Variants in CD109 observed in about 807,000 individuals in gnomAD.
The protein encoded by CD109 is CD109 antigen.
A neutral mutation model predicts 165.8 loss-of-function variants in CD109; 149 were observed. The observed-to-expected ratio is 0.90, with a 90% CI of 0.79 to 1.03. The LOEUF (loss-of-function observed/expected upper bound fraction) is 1.03, where lower values mean the gene tolerates loss of function less well. CD109 is among the 50% of genes least tolerant of loss of function. The pLI is 0.00. For synonymous variants in CD109, 585 were observed against 592.1 expected (o/e 0.99, Z 0.18); for missense variants, 1,712 against 1,677.8 (o/e 1.02, Z -0.36).
intron 24 of CD109, among the ~76,000 whole-genome samples, chr6:73,805,851 G>A (rs1315129252): frequency 3.9e-5 from 6 of 152,112 alleles, no homozygotes; most frequent in Non-Finnish European, 5.9e-5. Flanking sequence ...CAGAGGGCAC[G>A]GGGTTGGGGG....
intron 32 of CD109, among the ~76,000 whole-genome samples, chr6:73,821,731 G>A (rs1776114152): frequency 6.6e-6 from 1 of 152,144 alleles, no homozygotes; most frequent in African/African-American, 2.4e-5. Flanking sequence ...AAGTGGGGAG[G>A]GAGAGGGGGA....
chr6:73,792,497 T>A, intron 22 of CD109, 129 bp from the exon 23 acceptor site: 2 of 812,178 alleles, frequency 2.5e-6, no homozygotes, highest in Non-Finnish European at 4.1e-6. Flanking sequence ...CCAACTCTGT[T>A]CCAAGCAGTG....
At chr6:73,738,309 A>G (rs2150189800) in intron 5 of CD109, among the ~76,000 whole-genome samples, 1 of 152,270 alleles carries the variant, frequency 6.6e-6, no homozygotes, top group East Asian at 1.9e-4. Flanking sequence ...CCATTAGCTT[A>G]GCTAAATAAC....
chr6:73,764,954 A>G (rs1024102062), intron 10 of CD109, among the ~76,000 whole-genome samples: 8 of 152,318 alleles, frequency 5.3e-5, no homozygotes, highest in East Asian at 3.9e-4. Flanking sequence ...AGTTTAAAAA[A>G]TTGAGGCTGC....
chr6:73,747,545 A>G (rs1296685406), intron 5 of CD109, among the ~76,000 whole-genome samples: 3 of 152,182 alleles, frequency 2.0e-5, no homozygotes, highest in Non-Finnish European at 4.4e-5. Flanking sequence ...TTCAGTTTCC[A>G]TCTATACACC....
At chr6:73,815,205 C>A in intron 30 of CD109, 82 bp downstream of exon 30, 23 of 1,180,010 alleles carry the variant, frequency 1.9e-5, no homozygotes, top group Non-Finnish European at 2.5e-5. Flanking sequence ...TTGTCTATAT[C>A]AATCTAAGAG....
intron 3 of CD109, among the ~76,000 whole-genome samples, chr6:73,729,843 A>C (rs1456412782): frequency 6.6e-6 from 1 of 152,078 alleles, no homozygotes; most frequent in Non-Finnish European, 1.5e-5. Context: ...GTAGTAGTAG[A>C]AGTAGCAGCA....
chr6:73,680,329 T>C, the CD109 span, among the ~76,000 whole-genome samples: 8 of 152,136 alleles, frequency 5.3e-5, no homozygotes, highest in Non-Finnish European at 1.0e-4. Context: ...ATAACAGCCA[T>C]TGAAGCTTGA....
intron 2 of CD109, among the ~76,000 whole-genome samples, chr6:73,707,962 TTATATATATATATATA>T (rs200081535): frequency 0.25 from 31,961 of 126,220 alleles, 4,813 homozygotes; most frequent in Non-Finnish European, 0.32. Context: ...ATTGTTATCT[TTATATATATATATATA>T]TATATATATA....
rs1775451103 is a variant in CD109 at position 73,803,439 on chromosome 6, A to G, written c.2960+138A>G. The G allele has an allele frequency of 5.0e-6, 3 of 598,008 alleles. No individual in the cohort carries two copies. The South Asian group carries it at 6.0e-5, about 12-fold the overall frequency. The allele number at this position is 598,008 out of a possible 1,614,324, so 37.0% of individuals were successfully genotyped here. On this transcript the variant is annotated intron_variant, in intron 24 of 32. Transcript: ENST00000287097. ...CTTTTTCCTTAGTCTGGCTTTAAAA[A>G]GAGATTTTCTTTTTAAAGTATTATT...
intron 2 of CD109, among the ~76,000 whole-genome samples, chr6:73,706,127 G>C (rs1771257262): frequency 6.6e-6 from 1 of 152,004 alleles, no homozygotes; most frequent in Non-Finnish European, 1.5e-5. Flanking sequence ...AATATTTTGA[G>C]GTATGAAATT....
intron 2 of CD109, among the ~76,000 whole-genome samples, chr6:73,708,495 G>A (rs954670540): frequency 1.2e-4 from 18 of 152,208 alleles, no homozygotes; most frequent in African/African-American, 3.1e-4. Flanking sequence ...ATGATTTATA[G>A]TCCTTTGGGT....
intron 32 of CD109, 48 bp from the exon 33 acceptor site, chr6:73,823,410 T>C: frequency 6.8e-7 from 1 of 1,459,868 alleles, no homozygotes; most frequent in African/African-American, 1.4e-5. Context: ...AAAGTCAATG[T>C]TTCTAAACAA....
Position 73,823,681 on chromosome 6 carries a change from A to G in CD109, c.*48A>G. On this transcript the variant is annotated 3_prime_UTR_variant, in exon 33 of 33. Transcript: ENST00000287097. ...TAACACTAACATTTCCAGTAGTCACATGTGATTGTTTTGTTTTCGTAGAAG... is the reference window on the plus strand; with the variant it reads ...TAACACTAACATTTCCAGTAGTCACGTGTGATTGTTTTGTTTTCGTAGAAG... 1 of 1,499,800 alleles carries G rather than the reference A, an allele frequency of 6.7e-7. No homozygotes were observed. The highest frequency in any genetic ancestry group is 9.0e-7 in the Non-Finnish European group (1 of 1,105,748). The allele number at this position is 1,499,800 out of a possible 1,614,324, so 92.9% of individuals were successfully genotyped here. A position where few individuals can be genotyped will look rare whatever the true frequency, so the allele number is the denominator to read the frequency against.
Position 73,759,024 on chromosome 6 carries a change from G to A in CD109, c.754G>A (p.Ala252Thr), listed in dbSNP as rs777843417. 2 of 1,580,610 alleles carry A rather than the reference G, an allele frequency of 1.3e-6. No individual in the cohort carries two copies. The highest frequency in any genetic ancestry group is 1.7e-6 in the Non-Finnish European group (2 of 1,150,912). ...NSKHLNGTIT[A>T]KYTYGKPVKG... ...TAAGCATTTAAATGGTACCATCACG[G>A]CAAAGTAAGTGTCATTTTTCTTTTG... is the stretch of plus-strand genomic sequence containing the variant. The change falls in exon 7 of 33, where the codon GCA becomes ACA. Residue 252 changes from alanine (A) to threonine (T), a missense_variant. By Grantham distance (58) the Ala-to-Thr change is moderately conservative. Transcript: ENST00000287097.
chr6:73,802,455 G>T (rs1340077775), intron 23 of CD109, among the ~76,000 whole-genome samples: 2 of 151,140 alleles, frequency 1.3e-5, no homozygotes, highest in South Asian at 4.2e-4. Flanking sequence ...TGTATTGCTG[G>T]TCTAAGAATA....
Position 73,782,757 on chromosome 6 carries a change from TA to T in CD109, c.2105+7del. 1.2e-6 allele frequency: 2 copies of T among 1,612,902 alleles called. No individual in the cohort carries two copies. The highest frequency in any genetic ancestry group is 2.2e-5 in the South Asian group (2 of 90,914). ...GATTTGGCTAGACACCAACATGGGG[TA>T]AAAATTTATAAAGTTCTTTGCCCAT... On this transcript the variant is annotated splice_donor_region_variant and intron_variant, in intron 18 of 32. Transcript: ENST00000287097.
chr6:73,807,613 T>C (rs909311332), intron 25 of CD109, among the ~76,000 whole-genome samples: 1 of 152,166 alleles, frequency 6.6e-6, no homozygotes, highest in African/African-American at 2.4e-5. Context: ...ATTGATGCCT[T>C]TACTGCTTAC....
intron 22 of CD109, 108 bp downstream of exon 22, chr6:73,788,720 G>T: frequency 1.0e-6 from 1 of 962,220 alleles, no homozygotes; most frequent in Non-Finnish European, 1.5e-6. Flanking sequence ...AAGAAGAGAT[G>T]GCAAAAGTTT....
Sources: allele counts gnomAD v4.1 joint callset (sites outside exome capture counted in the v4.1 genomes callset), GRCh38; gene constraint gnomAD v4.1.1; transcripts MANE v1.5; gene names NCBI Gene and HGNC (gene_info 2026-07-23, HGNC 2026-07-21).